Variants in BAZ2B observed in about 807,000 individuals in gnomAD.
BAZ2B encodes bromodomain adjacent to zinc finger domain protein 2B.
Under a neutral mutation model 246.0 loss-of-function variants are expected in BAZ2B, and 91 were observed. The observed-to-expected ratio is 0.37, with a 90% confidence interval of 0.31 to 0.44. BAZ2B has a LOEUF of 0.44. Ranked by LOEUF, BAZ2B falls within the 20% of genes least tolerant of loss-of-function variation. BAZ2B has a pLI of 1.00. For synonymous variants in BAZ2B, 855 were observed against 860.0 expected, an observed-to-expected ratio of 0.99 and a Z score of 0.10; for missense variants, 2,332 against 2,533.7, an observed-to-expected ratio of 0.92 and a Z score of 1.71.
chr2:159,519,205 A>ATTTTATTTTTT (rs2083771094), intron 2 of BAZ2B, among the ~76,000 whole-genome samples: 1 of 56,492 alleles, frequency 1.8e-5, no homozygotes, highest in Non-Finnish European at 3.6e-5. Flanking sequence ...TTCATATTCT[A>ATTTTATTTTTT]TTTTCTTTTT....
chr2:159,562,494 A>C (rs187085549), intron 1 of BAZ2B, among the ~76,000 whole-genome samples: 153 of 152,334 alleles, frequency 1.0e-3, no homozygotes, highest in Non-Finnish European at 1.7e-3. Context: ...TCCATTTTAG[A>C]GCCATAAATG....
At chr2:159,548,120 A>G (rs1464939173) in intron 2 of BAZ2B, among the ~76,000 whole-genome samples, 1 of 152,216 alleles carries the variant, frequency 6.6e-6, no homozygotes, top group African/African-American at 2.4e-5. Flanking sequence ...TGGCTGCTAC[A>G]TACTAATTTT....
the BAZ2B span, among the ~76,000 whole-genome samples, chr2:159,688,535 T>C: frequency 7.1e-4 from 108 of 152,346 alleles, no homozygotes; most frequent in African/African-American, 2.4e-3. Flanking sequence ...TTAGTATTAA[T>C]ACAATACTAT....
chr2:159,333,515 A>T (rs2065129716), intron 33 of BAZ2B, among the ~76,000 whole-genome samples: 1 of 152,126 alleles, frequency 6.6e-6, no homozygotes, highest in Admixed American at 6.6e-5. Flanking sequence ...ACAAGTAAAA[A>T]CTTCCAAGAT....
At chr2:159,374,534 T>C (rs1281277189) in intron 26 of BAZ2B, among the ~76,000 whole-genome samples, 157 bp downstream of exon 26, 2 of 152,194 alleles carry the variant, frequency 1.3e-5, no homozygotes, top group Admixed American at 1.3e-4. Context: ...TTCCTCATCT[T>C]ATTTTTTTTT....
intron 35 of BAZ2B, 109 bp from the exon 36 acceptor site, chr2:159,325,063 T>TG (rs2063353823): frequency 6.3e-4 from 1 of 1,598 alleles, no homozygotes; most frequent in Non-Finnish European, 1.4e-3. Flanking sequence ...ATATATATTA[T>TG]ATATATATAT....
At chr2:159,551,283 C>T (rs1232047768) in intron 2 of BAZ2B, among the ~76,000 whole-genome samples, 7 of 151,982 alleles carry the variant, frequency 4.6e-5, no homozygotes, top group African/African-American at 9.7e-5. Context: ...TCCTGGCTAA[C>T]ATGGTGAAAC....
At chr2:159,453,341 C>T (rs7597706) in intron 4 of BAZ2B, among the ~76,000 whole-genome samples, 3,242 of 147,852 alleles carry the variant, frequency 0.022, 119 homozygotes, top group African/African-American at 0.074. Flanking sequence ...AACAAAAAAA[C>T]ATGAGAAAAA....
At chr2:159,357,381 T>C (rs998105549) in intron 27 of BAZ2B, among the ~76,000 whole-genome samples, 15 of 151,732 alleles carry the variant, frequency 9.9e-5, no homozygotes, top group African/African-American at 3.1e-4. Flanking sequence ...AATGATTGAA[T>C]ATCAACTTAA....
chr2:159,628,342 A>C, the BAZ2B span, among the ~76,000 whole-genome samples: 1 of 152,238 alleles, frequency 6.6e-6, no homozygotes, highest in Non-Finnish European at 1.5e-5. Context: ...ATGGAACCAA[A>C]AATGAGCCCG....
At chr2:159,592,683 G>C (rs1423690098) in intron 1 of BAZ2B, among the ~76,000 whole-genome samples, 1 of 152,058 alleles carries the variant, frequency 6.6e-6, no homozygotes, top group Non-Finnish European at 1.5e-5. Flanking sequence ...CAGGGACAAG[G>C]AAAAAAGGCG....
rs144340296 is a variant in BAZ2B, at chr2:159,478,509, A to G, written c.145+66T>C. On this transcript the variant is annotated intron_variant, in intron 3 of 36. Transcript: ENST00000392783. ...CATGAGAATATTTTATTCAGTGCTC[A>G]ATAAAATATTATGCAAATTATTAAA... is the stretch of plus-strand genomic sequence containing the variant. The G allele has an allele frequency of 3.0e-4, 442 of 1,494,812 alleles. 4 individuals carry two copies. The East Asian group carries it at 4.8e-3, about 16-fold the overall frequency. 92.6% of individuals were successfully genotyped at this position (1,494,812 alleles called of 1,614,324 possible). A position where few individuals can be genotyped will look rare whatever the true frequency, so the allele number is the denominator to read the frequency against.
At chr2:159,325,100 ATAT>A (rs2063428019) in intron 35 of BAZ2B, 146 bp from the exon 36 acceptor site, 1 of 3,324 alleles carries the variant, frequency 3.0e-4, no homozygotes, top group African/African-American at 1.0e-3. Flanking sequence ...TATTATATAT[ATAT>A]ATATATATAT....
intron 13 of BAZ2B, among the ~76,000 whole-genome samples, chr2:159,422,159 C>T (rs1478645621): frequency 6.6e-6 from 1 of 152,118 alleles, no homozygotes; most frequent in Non-Finnish European, 1.5e-5. Context: ...GTCAAAATGG[C>T]CATATTGCCC....
At chr2:159,538,789 T>C (rs1483934520) in intron 2 of BAZ2B, among the ~76,000 whole-genome samples, 2 of 152,188 alleles carry the variant, frequency 1.3e-5, no homozygotes, top group South Asian at 2.1e-4. Context: ...ACTTTTAACA[T>C]TTTATCTTCT....
At chr2:159,474,183 T>C (rs761230953) in intron 3 of BAZ2B, among the ~76,000 whole-genome samples, 3 of 152,194 alleles carry the variant, frequency 2.0e-5, no homozygotes, top group Non-Finnish European at 4.4e-5. Context: ...TGTTACTGTG[T>C]GGGAGTCTAA....
At chr2:159,579,943 C>G (rs530311010) in intron 1 of BAZ2B, among the ~76,000 whole-genome samples, 1 of 152,280 alleles carries the variant, frequency 6.6e-6, no homozygotes, top group South Asian at 2.1e-4. Flanking sequence ...ATATTTATGA[C>G]AAACCCACAG....
chr2:159,429,077 C>G (rs1304048090), intron 11 of BAZ2B, 123 bp downstream of exon 11: 6 of 603,662 alleles, frequency 9.9e-6, no homozygotes, highest in Admixed American at 3.5e-5. Context: ...CTCTTCTGCT[C>G]TAATAAATAC....
intron 33 of BAZ2B, 61 bp from the exon 34 acceptor site, chr2:159,332,747 T>A: frequency 6.4e-7 from 1 of 1,554,000 alleles, no homozygotes; most frequent in Non-Finnish European, 8.8e-7. Flanking sequence ...GTTATTGGGA[T>A]GTTAAACACA....
Sources: gnomAD v4.1 joint callset for allele counts (sites outside exome capture counted in the v4.1 genomes callset) on GRCh38, gnomAD v4.1.1 for gene constraint, MANE v1.5 for transcripts, NCBI Gene and HGNC (gene_info 2026-07-23, HGNC 2026-07-21) for gene names.